The following CBFA2T2 variants were observed in gnomAD, a reference collection of about 807,000 sequenced individuals.
CBFA2T2 encodes CBFA2/RUNX1 partner transcriptional co-repressor 2, also known as protein CBFA2T2.
CBFA2T2 carries 11 observed loss-of-function variants against 62.2 expected under a neutral mutation model. That is an observed-to-expected ratio of 0.18 (90% confidence interval 0.11 to 0.29). The LOEUF (loss-of-function observed/expected upper bound fraction) is 0.29. Ranked by LOEUF, CBFA2T2 falls within the 10% of genes least tolerant of loss-of-function variation. The pLI is 1.00. For missense variants in CBFA2T2, 592 were observed against 774.1 expected, an observed-to-expected ratio of 0.76 and a Z score of 2.79; for synonymous variants, 295 against 287.5, an observed-to-expected ratio of 1.03 and a Z score of -0.27.
intron 1 of CBFA2T2, among the ~76,000 whole-genome samples, chr20:33,496,544 T>C (rs2011200579): frequency 6.6e-6 from 1 of 152,218 alleles, no homozygotes; most frequent in Admixed American, 6.5e-5. Context: ...AGGTATATAA[T>C]CATTGGACCT....
intron 1 of CBFA2T2, among the ~76,000 whole-genome samples, chr20:33,551,469 G>A (rs1284317420): frequency 6.6e-6 from 1 of 152,000 alleles, no homozygotes; most frequent in African/African-American, 2.4e-5. Flanking sequence ...GCCTGCCTTG[G>A]CCTCCCAAAG....
intron 1 of CBFA2T2, among the ~76,000 whole-genome samples, chr20:33,490,677 G>A (rs2011140184): frequency 6.6e-6 from 1 of 152,244 alleles, no homozygotes; most frequent in Admixed American, 6.5e-5. Flanking sequence ...TTGAGGGTTG[G>A]AGGAGATGAG....
At chr20:33,556,033 T>C (rs2012888364) in intron 1 of CBFA2T2, among the ~76,000 whole-genome samples, 2 of 152,092 alleles carry the variant, frequency 1.3e-5, no homozygotes, top group Admixed American at 1.3e-4. Flanking sequence ...GCCTGGCTAA[T>C]TTTTTTTACT....
chr20:33,612,773 C>T (rs930913417), intron 3 of CBFA2T2, among the ~76,000 whole-genome samples: 3 of 152,258 alleles, frequency 2.0e-5, no homozygotes, highest in Non-Finnish European at 2.9e-5. Flanking sequence ...TGAGACCAAA[C>T]AGTTTAAGAA....
At position 33,644,856 on chromosome 20, in the gene CBFA2T2, G is replaced by A; in HGVS notation, c.*210G>A. 3 of 578,764 alleles carry A rather than the reference G, an allele frequency of 5.2e-6. No individual in the cohort carries two copies. The highest frequency in any genetic ancestry group is 5.9e-6 in the Non-Finnish European group (2 of 336,580). 35.9% of individuals were successfully genotyped at this position (578,764 alleles called of 1,614,324 possible). ...CCAGTGTGCCATTCTCTGCACATGG[G>A]CAGCCAGCCTGAGCTGCCTCCTCCA... is the stretch of plus-strand genomic sequence containing the variant. On this transcript the variant is annotated 3_prime_UTR_variant, in exon 11 of 11. Coordinates refer to ENST00000342704, the MANE Select transcript of CBFA2T2 (RefSeq NM_001032999.3).
rs1346965381 is a variant in CBFA2T2, at chr20:33,535,615, TA to T, written c.34+45315del. Among the ~76,000 whole-genome samples the T allele has an allele frequency of 4.4e-3, 644 of 146,308 alleles. 5 individuals are homozygous for T. The highest frequency in any genetic ancestry group is 0.015 in the African/African-American group (590 of 38,074). ...GGATTGAGTTTTATTTTTATTTTTT[TA>T]TTTTTTCTTTTTTTTTTTGACCTTT... On this transcript the variant is annotated intron_variant, in intron 1 of 10. Transcript: ENST00000342704.
At chr20:33,614,174 A>G (rs948137026) in intron 3 of CBFA2T2, among the ~76,000 whole-genome samples, 10 of 152,056 alleles carry the variant, frequency 6.6e-5, no homozygotes, top group African/African-American at 2.2e-4. Context: ...TATGAAAAGT[A>G]TATGTAGGTG....
chr20:33,580,996 G>C lies in CBFA2T2; in HGVS notation c.35-25960G>C, dbSNP rs563902456. On this transcript the variant is annotated intron_variant, in intron 1 of 10. Transcript: ENST00000342704. ...AGTATTGGAATGAGTATATATGTCT[G>C]CCCTCCCTTCCCCTCCCTTGCCCTC... Among the ~76,000 whole-genome samples, 56 of 152,076 alleles carry C rather than the reference G, an allele frequency of 3.7e-4. 1 individual carries two copies. The highest frequency in any genetic ancestry group is 7.2e-4 in the Non-Finnish European group (49 of 67,982).
In CBFA2T2 at chr20:33,541,454, A is replaced by G. The variant is rs147375481; in HGVS notation, c.34+51153A>G. Among the ~76,000 whole-genome samples the G allele has an allele frequency of 4.2e-3, 637 of 152,314 alleles. 4 individuals carry two copies. Among genetic ancestry groups the G allele is most frequent in the African/African-American group, 0.014 (591 of 41,574 alleles). Reference sequence around the variant, plus strand: ...GGATTTGAAATTGACGAGTCGTATAACTGAGTAAGGACAGAGAAGCCGGAC... The same window carrying G: ...GGATTTGAAATTGACGAGTCGTATAGCTGAGTAAGGACAGAGAAGCCGGAC... On this transcript the variant is annotated intron_variant, in intron 1 of 10. Coordinates refer to ENST00000342704, the MANE Select transcript of CBFA2T2 (RefSeq NM_001032999.3).
intron 1 of CBFA2T2, among the ~76,000 whole-genome samples, chr20:33,527,841 G>T (rs942739099): frequency 2.0e-5 from 3 of 151,892 alleles, no homozygotes; most frequent in African/African-American, 7.3e-5. Context: ...TCCACTCCCA[G>T]CCTGATTTGT....
chr20:33,573,723 G>A (rs1600990847), intron 1 of CBFA2T2, among the ~76,000 whole-genome samples: 1 of 151,688 alleles, frequency 6.6e-6, no homozygotes, highest in South Asian at 2.1e-4. Flanking sequence ...CTCGTGATCC[G>A]CCCACCTCAG....
chr20:33,495,024 G>A (rs183945046), intron 1 of CBFA2T2, among the ~76,000 whole-genome samples: 10 of 152,314 alleles, frequency 6.6e-5, no homozygotes, highest in Admixed American at 3.9e-4. Context: ...CTCCTGGGGT[G>A]GAGATCATTG....
intron 1 of CBFA2T2, among the ~76,000 whole-genome samples, chr20:33,498,220 C>T (rs936649520): frequency 1.3e-4 from 19 of 151,390 alleles, no homozygotes; most frequent in Non-Finnish European, 2.4e-4. Flanking sequence ...GCATGAACCA[C>T]TGTGCCTGGC....
intron 1 of CBFA2T2, among the ~76,000 whole-genome samples, chr20:33,538,907 C>T (rs1256272726): frequency 1.3e-5 from 2 of 149,904 alleles, no homozygotes; most frequent in African/African-American, 2.5e-5. Flanking sequence ...TCTATGTTGT[C>T]TTCAGAAAAC....
intron 1 of CBFA2T2, among the ~76,000 whole-genome samples, chr20:33,594,779 A>G (rs1047746312): frequency 2.0e-5 from 3 of 152,220 alleles, no homozygotes; most frequent in African/African-American, 7.2e-5. Flanking sequence ...TGTGTGGCCC[A>G]GGCAGTAATG....
chr20:33,637,966 C>CTTTTTT (rs67124335), intron 9 of CBFA2T2, among the ~76,000 whole-genome samples: 1 of 66,790 alleles, frequency 1.5e-5, no homozygotes, highest in African/African-American at 8.5e-5. Context: ...TGCACCCGGC[C>CTTTTTT]TTTTTTTTTT....
intron 1 of CBFA2T2, among the ~76,000 whole-genome samples, chr20:33,580,579 C>T (rs908752926): frequency 6.6e-6 from 1 of 152,156 alleles, no homozygotes; most frequent in South Asian, 2.1e-4. Context: ...GGGCCAGGCA[C>T]GGTGGTTCAT....
chr20:33,493,996 G>C (rs554544237), intron 1 of CBFA2T2, among the ~76,000 whole-genome samples: 71 of 151,038 alleles, frequency 4.7e-4, no homozygotes, highest in Middle Eastern at 3.4e-3. Flanking sequence ...TGATTGTCCT[G>C]CCTCAGCCTC....
intron 1 of CBFA2T2, among the ~76,000 whole-genome samples, chr20:33,575,108 G>A (rs1258194039): frequency 1.3e-5 from 2 of 152,180 alleles, no homozygotes; most frequent in Non-Finnish European, 2.9e-5. Flanking sequence ...GATTAAATTA[G>A]CAAACCATAT....
Sources: allele counts gnomAD v4.1 joint callset (sites outside exome capture counted in the v4.1 genomes callset), GRCh38; gene constraint gnomAD v4.1.1; transcripts MANE v1.5; gene names NCBI Gene and HGNC (gene_info 2026-07-23, HGNC 2026-07-21).